Variants in FAM107B observed in about 807,000 individuals in gnomAD.
The protein encoded by FAM107B is family with sequence similarity 107 member B.
FAM107B carries 21 observed loss-of-function variants against 31.5 expected under a neutral mutation model. That is an observed-to-expected ratio of 0.67 (90% CI 0.47 to 0.96). The LOEUF (loss-of-function observed/expected upper bound fraction) is 0.96. FAM107B is among the 40% of genes least tolerant of loss of function. The pLI is 0.00. For synonymous variants in FAM107B, 157 were observed against 141.5 expected (o/e 1.11, Z -0.78); for missense variants, 452 against 377.1 (o/e 1.20, Z -1.64).
At chr10:14,542,887 A>G (rs1848352793) in intron 2 of FAM107B, among the ~76,000 whole-genome samples, 2 of 152,248 alleles carry the variant, frequency 1.3e-5, no homozygotes, top group Non-Finnish European at 2.9e-5. Flanking sequence ...AGAAATAGAT[A>G]TATTAGTACA....
intron 1 of FAM107B, among the ~76,000 whole-genome samples, chr10:14,701,593 A>G (rs1007630188): frequency 6.6e-5 from 10 of 152,172 alleles, no homozygotes; most frequent in African/African-American, 2.4e-4. Flanking sequence ...ATATAGACCT[A>G]TCTCTCACAG....
At chr10:14,572,689 T>C (rs1851306040) in intron 2 of FAM107B, among the ~76,000 whole-genome samples, 1 of 139,632 alleles carries the variant, frequency 7.2e-6, no homozygotes, top group African/African-American at 2.7e-5. Context: ...GCCACTGCAT[T>C]TCAACCTGGG....
chr10:14,610,747 C>T (rs1257826673), intron 2 of FAM107B, among the ~76,000 whole-genome samples: 1 of 152,176 alleles, frequency 6.6e-6, no homozygotes, highest in Non-Finnish European at 1.5e-5. Context: ...GCTAACAGCA[C>T]CAACAGTAAA....
At chr10:14,698,742 G>A (rs929050052) in intron 1 of FAM107B, among the ~76,000 whole-genome samples, 1 of 152,168 alleles carries the variant, frequency 6.6e-6, no homozygotes, top group Non-Finnish European at 1.5e-5. Flanking sequence ...AACAGATGTC[G>A]GCTTTCAGGG....
chr10:14,567,694 C>T (rs1241534616), intron 2 of FAM107B, among the ~76,000 whole-genome samples: 2 of 152,154 alleles, frequency 1.3e-5, no homozygotes, highest in Non-Finnish European at 2.9e-5. Context: ...AGGCAAAGTC[C>T]AGCAGGAGCA....
intron 2 of FAM107B, among the ~76,000 whole-genome samples, chr10:14,640,878 C>T (rs1853610362): frequency 6.6e-6 from 1 of 152,176 alleles, no homozygotes; most frequent in African/African-American, 2.4e-5. Context: ...CTGCCCAATT[C>T]TCACATTTTC....
At position 14,526,606 on chromosome 10, in the gene FAM107B, C is replaced by A. The variant is rs184801257; in HGVS notation, c.653+3726G>T. Reference sequence around the variant, plus strand: ...TTGTATCCTTTATCTCTAGAACTGCCCCTATCTTTTTCCATGTTGTACAGC... The same window carrying A: ...TTGTATCCTTTATCTCTAGAACTGCACCTATCTTTTTCCATGTTGTACAGC... On this transcript the variant is annotated intron_variant, in intron 3 of 4. Transcript: ENST00000181796. Among the ~76,000 whole-genome samples, 7 of 152,266 alleles carry A rather than the reference C, an allele frequency of 4.6e-5. No individual in the cohort carries two copies. The East Asian group carries it at 1.4e-3, about 29-fold the overall frequency.
intron 1 of FAM107B, among the ~76,000 whole-genome samples, chr10:14,734,488 G>GTGTTTTTGTTTTGTTTT (rs558940939): frequency 1.4e-5 from 2 of 138,546 alleles, no homozygotes; most frequent in African/African-American, 5.4e-5. Flanking sequence ...TTTTTGTGAG[G>GTGTTTTTGTTTTGTTTT]TTTTTTTTTT....
intron 1 of FAM107B, among the ~76,000 whole-genome samples, chr10:14,745,813 G>A (rs1305444879): frequency 6.6e-6 from 1 of 152,134 alleles, no homozygotes; most frequent in East Asian, 1.9e-4. Flanking sequence ...TATATATCAA[G>A]TCCACTTAAT....
At chr10:14,640,370 A>G (rs1410069) in intron 2 of FAM107B, among the ~76,000 whole-genome samples, 20,413 of 152,234 alleles carry the variant, frequency 0.13, 1,674 homozygotes, top group Admixed American at 0.27. Flanking sequence ...GAATGGTAGA[A>G]GGTGATCAGC....
chr10:14,701,420 T>G (rs1197651378), intron 1 of FAM107B, among the ~76,000 whole-genome samples: 1 of 151,942 alleles, frequency 6.6e-6, no homozygotes. Flanking sequence ...AATTTTTGTA[T>G]TTTTAGTAGA....
chr10:14,537,078 G>A (rs367941436), intron 2 of FAM107B, among the ~76,000 whole-genome samples: 7 of 152,128 alleles, frequency 4.6e-5, no homozygotes, highest in Admixed American at 3.9e-4. Flanking sequence ...AAGCTGGCCC[G>A]AGTGAGGTGG....
intron 2 of FAM107B, among the ~76,000 whole-genome samples, chr10:14,663,887 CAAAAAAAAAAAAAA>C (rs3035297): frequency 1.6e-4 from 13 of 80,384 alleles, no homozygotes; most frequent in East Asian, 1.3e-3. Flanking sequence ...GATCATCAGC[CAAAAAAAAAAAAAA>C]AAAAAAAAAA....
At chr10:14,711,356 A>T (rs950512421) in intron 1 of FAM107B, among the ~76,000 whole-genome samples, 5 of 152,218 alleles carry the variant, frequency 3.3e-5, no homozygotes, top group Non-Finnish European at 5.9e-5. Flanking sequence ...TGCAAGCTCC[A>T]TTCATGGTGA....
intron 2 of FAM107B, among the ~76,000 whole-genome samples, chr10:14,660,304 A>C (rs1854199724): frequency 6.6e-6 from 1 of 152,224 alleles, no homozygotes; most frequent in African/African-American, 2.4e-5. Flanking sequence ...TTTCTAAAGC[A>C]ATGCATGGTT....
At chr10:14,711,525 C>T (rs188181521) in intron 1 of FAM107B, among the ~76,000 whole-genome samples, 3 of 152,314 alleles carry the variant, frequency 2.0e-5, no homozygotes, top group African/African-American at 4.8e-5. Context: ...TAGGCTATAC[C>T]GCCTAGCCTA....
intron 1 of FAM107B, among the ~76,000 whole-genome samples, chr10:14,712,840 AC>A (rs1422311104): frequency 6.6e-6 from 1 of 152,210 alleles, no homozygotes; most frequent in Non-Finnish European, 1.5e-5. Flanking sequence ...GTTTTAGAAC[AC>A]GAGTCCAAAA....
At chr10:14,680,399 C>A (rs4750546) in intron 1 of FAM107B, among the ~76,000 whole-genome samples, 13,423 of 151,844 alleles carry the variant, frequency 0.088, 694 homozygotes, top group East Asian at 0.21. Context: ...CATGGCGAAA[C>A]CTCATCTCTA....
rs534998043 is a variant in FAM107B at position 14,623,564 on chromosome 10, G to C, written c.469+44070C>G. On this transcript the variant is annotated intron_variant, in intron 2 of 4. Transcript: ENST00000181796. The stretch of plus-strand genomic sequence containing the variant: ...AAACTGGGTCAGCGTGGTGGCTTAC[G>C]CCCGTAATCCCAGCATTTTGGGAGG... Among the ~76,000 whole-genome samples, 700 of 152,342 alleles carry C rather than the reference G, an allele frequency of 4.6e-3. 5 individuals are homozygous for C. The highest frequency in any genetic ancestry group is 0.016 in the African/African-American group (661 of 41,570).
Sources: allele counts gnomAD v4.1 joint callset (sites outside exome capture counted in the v4.1 genomes callset), GRCh38; gene constraint gnomAD v4.1.1; transcripts MANE v1.5; gene names NCBI Gene and HGNC (gene_info 2026-07-23, HGNC 2026-07-21).